Variants in DNAH14 observed in about 807,000 individuals in gnomAD.
DNAH14 encodes axonemal beta dynein heavy chain 14.
Under a neutral mutation model 520.9 loss-of-function variants are expected in DNAH14, and 478 were observed. The ratio of observed to expected loss-of-function variants is 0.92; its 90% CI spans 0.85 to 0.99. The LOEUF (loss-of-function observed/expected upper bound fraction) is 0.99. DNAH14 is among the 50% of genes least tolerant of loss of function. The probability of loss-of-function intolerance (pLI) is 0.00; values close to 1 mark genes in which losing one functional copy is unlikely to be tolerated. For missense variants in DNAH14, 4,831 were observed against 5,234.5 expected, an observed-to-expected ratio of 0.92 and a Z score of 2.38; for synonymous variants, 1,581 against 1,757.2, an observed-to-expected ratio of 0.90 and a Z score of 2.51.
chr1:225,103,927 G>A lies in DNAH14; in HGVS notation c.3867+3043G>A, dbSNP rs902724518. 1.5e-5 allele frequency among the ~76,000 whole-genome samples: 2 copies of A among 137,186 alleles called. 1 individual carries two copies. Among genetic ancestry groups the A allele is most frequent in the African/African-American group, 5.4e-5 (2 of 36,900 alleles). The allele number at this position is 137,186 out of a possible 152,430, so 90.0% of individuals were successfully genotyped here. ...CCCTGGCCAGAACTTCCAACACTAT[G>A]TTGAATAGGAGTGGTGAGAGAGGGC... On this transcript the variant is annotated intron_variant, in intron 23 of 85. Transcript: ENST00000682510.
intron 54 of DNAH14, among the ~76,000 whole-genome samples, chr1:225,286,301 A>C (rs552083266): frequency 6.6e-6 from 1 of 152,176 alleles, no homozygotes; most frequent in South Asian, 2.1e-4. Context: ...AGAGGAGAGG[A>C]TTTTCAATGT....
At chr1:225,337,919 A>G (rs1481754580) in intron 67 of DNAH14, 142 bp from the exon 68 acceptor site, 13 of 749,330 alleles carry the variant, frequency 1.7e-5, no homozygotes, top group Middle Eastern at 4.0e-4. Context: ...ATGATTGACT[A>G]TAGTCACCCT....
rs1355233191 is a variant in DNAH14, at chr1:225,152,704, G to A, written c.5017G>A (p.Gly1673Ser). 3 of 1,543,422 alleles carry A rather than the reference G, an allele frequency of 1.9e-6. No homozygotes were observed. The East Asian group carries it at 7.4e-5, about 38-fold the overall frequency. The change falls in exon 33 of 86, where the codon GGT (glycine) becomes AGT (serine). Residue 1673 changes from glycine (G) to serine (S), a missense_variant. By Grantham distance (56) the Gly-to-Ser change is moderately conservative. Coordinates refer to ENST00000682510, the MANE Select transcript of DNAH14 (RefSeq NM_001367479.1). ...VFITMNPRYG[G>S]GVELPDNLKS... ...TTTTCTTTTCCTCTTCAGATACGGA[G>A]GTGGAGTAGAGCTCCCAGATAACTT... is the stretch of plus-strand genomic sequence containing the variant.
At position 224,988,290 on chromosome 1, in the gene DNAH14, C is replaced by T. The variant is rs115461542; in HGVS notation, c.830+14137C>T. Among the ~76,000 whole-genome samples, 1,078 of 152,240 alleles carry T rather than the reference C, an allele frequency of 7.1e-3. 8 individuals carry two copies. Among genetic ancestry groups the T allele is most frequent in the African/African-American group, 0.024 (1,010 of 41,538 alleles). ...TGTATATGTACCACATTTCCTTTAT[C>T]CAGTCTATCATTAAGGGACATTTGG... On this transcript the variant is annotated intron_variant, in intron 8 of 85. Transcript: ENST00000682510.
intron 60 of DNAH14, among the ~76,000 whole-genome samples, chr1:225,313,235 G>A (rs1391420192): frequency 6.6e-6 from 1 of 152,162 alleles, no homozygotes; most frequent in African/African-American, 2.4e-5. Flanking sequence ...TTTGTGTAGA[G>A]GTGTTTATAG....
chr1:225,290,815 A>G (rs1039718022), intron 55 of DNAH14, among the ~76,000 whole-genome samples: 1 of 151,112 alleles, frequency 6.6e-6, no homozygotes, highest in Non-Finnish European at 1.5e-5. Context: ...TACATGTAAG[A>G]GCAGATTACC....
intron 23 of DNAH14, among the ~76,000 whole-genome samples, chr1:225,115,666 G>T (rs964794685): frequency 6.6e-6 from 1 of 152,164 alleles, no homozygotes; most frequent in Non-Finnish European, 1.5e-5. Context: ...CAGCCAGATT[G>T]ATTCTGGTTA....
chr1:225,162,716 T>C (rs2081634767), intron 35 of DNAH14, among the ~76,000 whole-genome samples: 1 of 152,202 alleles, frequency 6.6e-6, no homozygotes, highest in Non-Finnish European at 1.5e-5. Flanking sequence ...TTCAGTGTTT[T>C]ATAGTTTTCA....
At chr1:224,972,558 C>T (rs991464720) in intron 7 of DNAH14, among the ~76,000 whole-genome samples, 31 of 151,394 alleles carry the variant, frequency 2.0e-4, no homozygotes, top group African/African-American at 5.8e-4. Context: ...CTCCGCCTCC[C>T]GGGTTCACAC....
chr1:225,289,783 T>A (rs1047254265), intron 54 of DNAH14, 102 bp from the exon 55 acceptor site: 23 of 806,258 alleles, frequency 2.9e-5, no homozygotes, highest in Admixed American at 2.8e-4. Flanking sequence ...GTCTGGGGTA[T>A]TTTTACATCA....
chr1:225,150,241 A>G (rs1223333492), intron 31 of DNAH14, among the ~76,000 whole-genome samples: 2 of 152,228 alleles, frequency 1.3e-5, no homozygotes, highest in African/African-American at 4.8e-5. Flanking sequence ...CCAGGCATAA[A>G]GCCTAGTTGA....
At chr1:225,156,591 T>TAGAC (rs1487431025) in intron 34 of DNAH14, among the ~76,000 whole-genome samples, 1 of 152,130 alleles carries the variant, frequency 6.6e-6, no homozygotes, top group African/African-American at 2.4e-5. Flanking sequence ...GACTCAAAGG[T>TAGAC]AGACACACTG....
At chr1:225,210,959 A>G (rs1031102862) in intron 41 of DNAH14, among the ~76,000 whole-genome samples, 4 of 152,196 alleles carry the variant, frequency 2.6e-5, no homozygotes, top group Non-Finnish European at 4.4e-5. Flanking sequence ...GAGCATCAAC[A>G]TCAACAGAAA....
chr1:225,150,603 A>G (rs1268582652), intron 31 of DNAH14, among the ~76,000 whole-genome samples: 2 of 152,074 alleles, frequency 1.3e-5, no homozygotes, highest in Non-Finnish European at 2.9e-5. Context: ...CAGGGCTTCA[A>G]CTTCTTTCTG....
intron 45 of DNAH14, 31 bp from the exon 46 acceptor site, chr1:225,259,090 T>C: frequency 6.6e-7 from 1 of 1,519,316 alleles, no homozygotes; most frequent in Non-Finnish European, 8.8e-7. Context: ...TTCTTGCATA[T>C]ACATCTAACC....
Position 225,045,922 on chromosome 1 carries a change from T to C in DNAH14, c.1912+1939T>C, listed in dbSNP as rs2067916876. Among the ~76,000 whole-genome samples the C allele has an allele frequency of 2.0e-5, 3 of 152,246 alleles. No individual in the cohort carries two copies. In the South Asian group the frequency reaches 6.2e-4, roughly 32 times the overall value. On this transcript the variant is annotated intron_variant, in intron 15 of 85. Coordinates refer to ENST00000682510, the MANE Select transcript of DNAH14 (RefSeq NM_001367479.1). The stretch of plus-strand genomic sequence containing the variant: ...ACTAATTCTAACATTTATCAGTGGA[T>C]CTTACCTTGCCTGCAAGTTATTACT...
rs141099776 is a variant in DNAH14 at position 225,172,529 on chromosome 1, T to C, written c.5535+4501T>C. On this transcript the variant is annotated intron_variant, in intron 36 of 85. Transcript: ENST00000682510. ...CCATTCACAATTGCTTCAAAGAGAA[T>C]AAAGTACCTAGGAATCCAACTTACA... is the stretch of plus-strand genomic sequence containing the variant. 2.2e-3 allele frequency among the ~76,000 whole-genome samples: 332 copies of C among 152,192 alleles called. 3 individuals carry two copies. The highest frequency in any genetic ancestry group is 7.4e-3 in the African/African-American group (306 of 41,522).
At chr1:225,304,131 G>A (rs1403235595) in intron 57 of DNAH14, among the ~76,000 whole-genome samples, 1 of 152,180 alleles carries the variant, frequency 6.6e-6, no homozygotes, top group Non-Finnish European at 1.5e-5. Flanking sequence ...TCCAGGCAAA[G>A]AGAATATTCT....
chr1:225,240,931 G>C, intron 43 of DNAH14, 109 bp downstream of exon 43: 1 of 858,412 alleles, frequency 1.2e-6, no homozygotes, highest in East Asian at 2.7e-5. Flanking sequence ...AAGATTGAAG[G>C]AAAAAGAAGG....
Sources: allele counts gnomAD v4.1 joint callset (sites outside exome capture counted in the v4.1 genomes callset), GRCh38; gene constraint gnomAD v4.1.1; transcripts MANE v1.5; gene names NCBI Gene and HGNC (gene_info 2026-07-23, HGNC 2026-07-21).